The following DHX8 variants were observed in gnomAD, a reference collection of about 807,000 sequenced individuals.
DHX8 encodes ATP-dependent RNA helicase DHX8.
Under a neutral mutation model 140.7 loss-of-function variants are expected in DHX8, and 67 were observed. That is an observed-to-expected ratio of 0.48 (90% CI 0.39 to 0.58). The LOEUF is 0.58. DHX8 is among the 20% of genes least tolerant of loss of function. The pLI is 0.00. For synonymous variants in DHX8, 533 were observed against 553.2 expected, an observed-to-expected ratio of 0.96 and a Z score of 0.51; for missense variants, 887 against 1,550.7, an observed-to-expected ratio of 0.57 and a Z score of 7.19.
intron 3 of DHX8, among the ~76,000 whole-genome samples, chr17:43,543,561 T>A (rs974944142): frequency 6.6e-6 from 1 of 152,012 alleles, no homozygotes; most frequent in African/African-American, 2.4e-5. Context: ...CAGAGAGAAA[T>A]CAGGCACTGG....
intron 2 of DHX8, chr17:43,533,275 G>A (rs1408567977): frequency 1.2e-6 from 2 of 1,613,974 alleles, no homozygotes; most frequent in Non-Finnish European, 1.7e-6. Flanking sequence ...CGGGGAAAGG[G>A]CTGTAGGGGC....
At chr17:43,494,720 CAAA>C (rs572905119) in intron 8 of DHX8, among the ~76,000 whole-genome samples, 2 of 57,860 alleles carry the variant, frequency 3.5e-5, no homozygotes, top group Non-Finnish European at 6.9e-5. Flanking sequence ...GACTCTGTCT[CAAA>C]AAAAAAAAAA....
chr17:43,496,459 A>T (rs190299711), intron 9 of DHX8, among the ~76,000 whole-genome samples, 191 bp downstream of exon 9: 6 of 152,090 alleles, frequency 3.9e-5, no homozygotes, highest in African/African-American at 1.4e-4. Flanking sequence ...CTTATGTATT[A>T]TTATTATTAT....
At position 43,493,489 on chromosome 17, in the gene DHX8, A is replaced by G. The variant is rs754952693; in HGVS notation, c.908A>G (p.Glu303Gly). ...GLVHISELRR[E>G]GRVANVADVV... The stretch of plus-strand genomic sequence containing the variant: ...GTGCACATCTCTGAGCTCCGGCGGG[A>G]GGGTCGTGTGGCCAATGTAGCTGAT... Residue 303 changes from glutamate to glycine, a missense_variant, in exon 7 of 23, where the codon GAG becomes GGG. Transcript: ENST00000262415. The G allele has an allele frequency of 6.2e-7, 1 of 1,614,026 alleles. No homozygotes were observed. The highest frequency in any genetic ancestry group is 8.5e-7 in the Non-Finnish European group (1 of 1,179,998).
In DHX8 at chr17:43,493,500, G is replaced by C. The variant is rs779070752; in HGVS notation, c.919G>C (p.Ala307Pro). The C allele has an allele frequency of 6.2e-7, 1 of 1,614,182 alleles. No homozygotes were observed. The highest frequency in any genetic ancestry group is 2.2e-5 in the East Asian group (1 of 44,888). Residue 307 changes from alanine (A) to proline (P), a missense_variant, in exon 7 of 23, where the codon GCC becomes CCC. Ala to Pro is a conservative substitution (Grantham distance 27). This residue lies in a region of DHX8 where 98 missense variants were observed against 152.7 expected (regional missense o/e 0.64). Coordinates refer to ENST00000262415, the MANE Select transcript of DHX8 (RefSeq NM_004941.3). ...ISELRREGRVANVADVVSKGQ... is the reference protein window; with the variant it reads ...ISELRREGRVPNVADVVSKGQ... The stretch of plus-strand genomic sequence containing the variant: ...TGAGCTCCGGCGGGAGGGTCGTGTG[G>C]CCAATGTAGCTGATGTCGTGAGCAA...
Position 43,507,805 on chromosome 17 carries a change from T to A in DHX8, c.2110-4T>A. 6.2e-7 allele frequency: 1 copy of A among 1,614,152 alleles called. No homozygotes were observed. The highest frequency in any genetic ancestry group is 8.5e-7 in the Non-Finnish European group (1 of 1,180,032). On this transcript the variant is annotated splice_polypyrimidine_tract_variant and splice_region_variant and intron_variant, in intron 14 of 22. Coordinates refer to ENST00000262415, the MANE Select transcript of DHX8 (RefSeq NM_004941.3). ...TCAGTAAGCCACATAATATTTCTCT[T>A]CAGACAGTTCAGAAACGGCAGGACA...
chr17:43,540,686 A>G (rs1598214587), intron 3 of DHX8, among the ~76,000 whole-genome samples: 1 of 152,176 alleles, frequency 6.6e-6, no homozygotes, highest in African/African-American at 2.4e-5. Context: ...AAATAGGCAC[A>G]TTTGGATAGA....
At chr17:43,536,402 C>G in intron 2 of DHX8, 1 of 1,610,078 alleles carries the variant, frequency 6.2e-7, no homozygotes, top group Admixed American at 1.7e-5. Flanking sequence ...TCCCTATACC[C>G]TCTCCCCAGG....
intron 11 of DHX8, among the ~76,000 whole-genome samples, chr17:43,502,897 C>A (rs1969277945): frequency 6.6e-6 from 1 of 152,182 alleles, no homozygotes; most frequent in African/African-American, 2.4e-5. Context: ...TTCTCCATGA[C>A]CCTCCTTTGG....
chr17:43,522,707 A>G (rs1308507529), intron 22 of DHX8, among the ~76,000 whole-genome samples: 1 of 134,350 alleles, frequency 7.4e-6, no homozygotes, highest in African/African-American at 2.9e-5. Flanking sequence ...GAAATCACCC[A>G]TTGCACTCCA....
Position 43,500,054 on chromosome 17 carries a change from T to G in DHX8, c.1497T>G (p.Asp499Glu). The G allele has an allele frequency of 1.9e-6, 3 of 1,614,122 alleles. No individual in the cohort carries two copies. Among genetic ancestry groups the G allele is most frequent in the Non-Finnish European group, 2.5e-6 (3 of 1,180,006 alleles). ...AGGCCCAGCGGGAAGCTGAGATGGATTCTATTCCCATGGGACTCAACAAAC... is the reference window on the plus strand; with the variant it reads ...AGGCCCAGCGGGAAGCTGAGATGGAGTCTATTCCCATGGGACTCAACAAAC... The part of the protein sequence containing the change: ...LKQAQREAEM[D>E]SIPMGLNKHW... Residue 499 changes from aspartate (D) to glutamate (E), a missense_variant, in exon 11 of 23, where the codon GAT becomes GAG. By Grantham distance (45) the Asp-to-Glu change is conservative. Coordinates refer to ENST00000262415, the MANE Select transcript of DHX8 (RefSeq NM_004941.3).
chr17:43,493,388 T>C, intron 6 of DHX8, 57 bp from the exon 7 acceptor site: 2 of 1,593,000 alleles, frequency 1.3e-6, no homozygotes, highest in African/African-American at 1.3e-5. Flanking sequence ...AGGGTAGAAA[T>C]TGGTTGGGGG....
At chr17:43,523,037 T>A (rs1598180632) in intron 22 of DHX8, among the ~76,000 whole-genome samples, 1 of 125,452 alleles carries the variant, frequency 8.0e-6, no homozygotes, top group African/African-American at 3.1e-5. Context: ...TACTCCAGCC[T>A]GGGAGACAGA....
chr17:43,520,080 A>G lies in DHX8; in HGVS notation c.2800-50A>G, dbSNP rs757365413. The stretch of plus-strand genomic sequence containing the variant: ...ACAAGTAGCTTCCCCACATGCTGAC[A>G]CTGGCTAGACTGACCCTCTTATCAC... On this transcript the variant is annotated intron_variant, in intron 18 of 22. Coordinates refer to ENST00000262415, the MANE Select transcript of DHX8 (RefSeq NM_004941.3). The G allele has an allele frequency of 5.6e-6, 9 of 1,604,654 alleles. No individual in the cohort carries two copies. The African/African-American group carries it at 8.0e-5, about 14-fold the overall frequency.
chr17:43,514,281 G>A (rs1970003319), intron 17 of DHX8, among the ~76,000 whole-genome samples: 1 of 152,096 alleles, frequency 6.6e-6, no homozygotes, highest in South Asian at 2.1e-4. Context: ...GGAGTCTGAG[G>A]CTGCAGTGAG....
At chr17:43,489,405 T>C (rs1968364547) in intron 1 of DHX8, 44 bp from the exon 2 acceptor site, 1 of 1,344,564 alleles carries the variant, frequency 7.4e-7, no homozygotes, top group Non-Finnish European at 1.0e-6. Context: ...AACTGATTTC[T>C]TGTTCATGTC....
downstream of DHX8, chr17:43,528,856 G>T (rs1271608923): frequency 8.5e-6 from 7 of 818,824 alleles, no homozygotes; most frequent in Non-Finnish European, 1.4e-5. Context: ...GATGCTCGGG[G>T]CATTTCTCTC....
At position 43,524,554 on chromosome 17, in the gene DHX8, A is replaced by G. The variant is rs1970536847; in HGVS notation, c.*707A>G. On this transcript the variant is annotated 3_prime_UTR_variant, in exon 23 of 23. Transcript: ENST00000262415. ...CGTGCTGGGGGATCACCCGATGATCAACCATGTCCTCTCCACAGAGCACTT... is the reference window on the plus strand; with the variant it reads ...CGTGCTGGGGGATCACCCGATGATCGACCATGTCCTCTCCACAGAGCACTT... 1 of 986,176 alleles carries G rather than the reference A, an allele frequency of 1.0e-6. No homozygotes were observed. The highest frequency in any genetic ancestry group is 1.2e-6 in the Non-Finnish European group (1 of 830,618). The allele number at this position is 986,176 out of a possible 1,614,324, so 61.1% of individuals were successfully genotyped here. A position where few individuals can be genotyped will look rare whatever the true frequency, so the allele number is the denominator to read the frequency against.
At chr17:43,522,329 C>A in intron 22 of DHX8, 103 bp downstream of exon 22, 1 of 1,142,288 alleles carries the variant, frequency 8.8e-7, no homozygotes, top group Non-Finnish European at 1.2e-6. Flanking sequence ...CCAGTATGTC[C>A]TAGTATAACA....
Sources: allele counts gnomAD v4.1 joint callset (sites outside exome capture counted in the v4.1 genomes callset), GRCh38; gene constraint gnomAD v4.1.1; regional missense constraint gnomAD v4.1.1; transcripts MANE v1.5; gene names NCBI Gene and HGNC (gene_info 2026-07-23, HGNC 2026-07-21).